SCUBE3: variants seen among roughly 807,000 people sequenced by gnomAD.
SCUBE3 encodes signal peptide, CUB domain and EGF like domain containing 3.
A neutral mutation model predicts 116.8 loss-of-function variants in SCUBE3; 33 were observed. The ratio of observed to expected loss-of-function variants is 0.28; its 90% CI spans 0.21 to 0.38. The LOEUF is 0.38. Among genes scored for constraint, SCUBE3 ranks in the 10% least tolerant of loss-of-function variants. The pLI is 1.00. For missense variants in SCUBE3, 1,007 were observed against 1,324.8 expected (o/e 0.76, Z 3.72); for synonymous variants, 418 against 496.9 (o/e 0.84, Z 2.11).
Position 35,241,572 on chromosome 6 carries a change from G to T in SCUBE3, c.1225G>T (p.Ala409Ser), listed in dbSNP as rs1221918725. The T allele has an allele frequency of 4.3e-6, 7 of 1,614,022 alleles. No homozygotes were observed. Among genetic ancestry groups the T allele is most frequent in the Non-Finnish European group, 5.9e-6 (7 of 1,179,990 alleles). The change falls in exon 11 of 22, where the codon GCC becomes TCC. Residue 409 changes from alanine (A) to serine (S), a missense_variant. Ala to Ser is a moderately conservative substitution (Grantham distance 99, BLOSUM62 1). Transcript: ENST00000274938. The surrounding 1 kb of genome is among the most constrained non-coding windows in gnomAD (Gnocchi z 4.1). ...ACTGAAGTGTCAGGGCAGTCCTGGG[G>T]CCTCGAAAGCCATGCTCAGCTGCAA... Reference protein sequence around the residue: ...EPLKCQGSPGASKAMLSCNRS... With the variant: ...EPLKCQGSPGSSKAMLSCNRS...
chr6:35,233,256 T>C lies in SCUBE3; in HGVS notation c.667T>C (p.Cys223Arg). 1.2e-6 allele frequency: 2 copies of C among 1,613,318 alleles called. No homozygotes were observed. The highest frequency in any genetic ancestry group is 1.7e-6 in the Non-Finnish European group (2 of 1,179,726). The part of the protein sequence containing the change: ...DDTEQGPRCG[C>R]HIKFVLHTDG... The stretch of plus-strand genomic sequence containing the variant: ...CACAGAGCAGGGTCCCCGGTGCGGC[T>C]GCCATATCAAGTTTGTGCTCCATAC... The change falls in exon 6 of 22, where the codon TGC becomes CGC. Residue 223 changes from cysteine to arginine, a missense_variant. Transcript: ENST00000274938. This position sits in a 1 kb window ranked among gnomAD's most constrained non-coding sequence, Gnocchi z 5.7.
At chr6:35,216,245 C>T (rs1581903267) in intron 1 of SCUBE3, among the ~76,000 whole-genome samples, 1 of 152,326 alleles carries the variant, frequency 6.6e-6, no homozygotes, top group African/African-American at 2.4e-5. Context: ...GAGTCAGAAT[C>T]CCTGCATGGT....
rs1562050802 is a variant in SCUBE3 at position 35,235,443 on chromosome 6, CA to C, written c.712+2143del. 1 of 1,284,012 alleles carries C rather than the reference CA, an allele frequency of 7.8e-7. No individual in the cohort carries two copies. The highest frequency in any genetic ancestry group is 1.5e-5 in the African/African-American group (1 of 65,930). The allele number at this position is 1,284,012 out of a possible 1,614,324, so 79.5% of individuals were successfully genotyped here. A position where few individuals can be genotyped will look rare whatever the true frequency, so the allele number is the denominator to read the frequency against. On this transcript the variant is annotated intron_variant, in intron 6 of 21. Transcript: ENST00000274938. The surrounding 1 kb of genome is among the most constrained non-coding windows in gnomAD (Gnocchi z 4.5). Reference sequence around the variant, plus strand: ...TAAACAGCTTTTTTACAATGTCAAACAGGGGAAAGGCGGCTAGAGCAGCACA... The same window carrying C: ...TAAACAGCTTTTTTACAATGTCAAACGGGGAAAGGCGGCTAGAGCAGCACA...
chr6:35,244,763 A>G lies in SCUBE3; in HGVS notation c.2353A>G (p.Asn785Asp), dbSNP rs1232554381. Residue 785 changes from asparagine to aspartate, a missense_variant, in exon 18 of 22, where the codon AAC becomes GAC. Asn to Asp is a conservative substitution (Grantham distance 23). Coordinates refer to ENST00000274938, the MANE Select transcript of SCUBE3 (RefSeq NM_152753.4). This position sits in a 1 kb window ranked among gnomAD's most constrained non-coding sequence, Gnocchi z 4.3. The part of the protein sequence containing the change: ...RQNFCSRCPG[N>D]TSTDFDGSTS... Reference sequence around the variant, plus strand: ...GAACTTCTGCAGCCGCTGTCCAGGAAACACAAGCACAGACTTTGATGGCTC... The same window carrying G: ...GAACTTCTGCAGCCGCTGTCCAGGAGACACAAGCACAGACTTTGATGGCTC... 1 of 1,614,222 alleles carries G rather than the reference A, an allele frequency of 6.2e-7. No homozygotes were observed. The highest frequency in any genetic ancestry group is 8.5e-7 in the Non-Finnish European group (1 of 1,180,036).
chr6:35,236,803 G>C (rs987535154), intron 6 of SCUBE3, among the ~76,000 whole-genome samples: 10 of 152,130 alleles, frequency 6.6e-5, no homozygotes, highest in Admixed American at 4.6e-4. Context: ...GAGGTCTTGG[G>C]ATTCTTTCTC....
Position 35,228,773 on chromosome 6 carries a change from G to C in SCUBE3, c.334+34G>C. ...AGGAGAGGGGATTTGGTGGAGGGAT[G>C]TCTTGTGGAGAAAGAGATCTTTTCA... is the stretch of plus-strand genomic sequence containing the variant. On this transcript the variant is annotated intron_variant, in intron 3 of 21. Coordinates refer to ENST00000274938, the MANE Select transcript of SCUBE3 (RefSeq NM_152753.4). This position sits in a 1 kb window ranked among gnomAD's most constrained non-coding sequence, Gnocchi z 4.9. The C allele has an allele frequency of 6.2e-7, 1 of 1,607,020 alleles. No individual in the cohort carries two copies. Among genetic ancestry groups the C allele is most frequent in the East Asian group, 2.2e-5 (1 of 44,834 alleles).
At chr6:35,242,531 G>A in intron 13 of SCUBE3, 91 bp from the exon 14 acceptor site, 8 of 1,211,104 alleles carry the variant, frequency 6.6e-6, no homozygotes, top group Non-Finnish European at 9.5e-6. Context: ...TTGAGAGATA[G>A]TTACAGTTAG....
chr6:35,224,516 T>C (rs901731255), intron 1 of SCUBE3: 4 of 149,068 alleles, frequency 2.7e-5, no homozygotes, highest in African/African-American at 1.0e-4. Context: ...TAATCCCAGA[T>C]ACTCAGGAGG....
chr6:35,246,713 C>T (rs530256578), intron 21 of SCUBE3, among the ~76,000 whole-genome samples: 1 of 152,364 alleles, frequency 6.6e-6, no homozygotes, highest in South Asian at 2.1e-4. Flanking sequence ...TGGTGGTTCA[C>T]GCCTGTCATC....
In SCUBE3 at chr6:35,233,314, A is replaced by G; in HGVS notation, c.712+13A>G. ...AAGACATGCATCGGTGGGTGAGGCCAGGGGAGAACTCAGTCCACCTGAGAT... is the reference window on the plus strand; with the variant it reads ...AAGACATGCATCGGTGGGTGAGGCCGGGGGAGAACTCAGTCCACCTGAGAT... On this transcript the variant is annotated intron_variant, in intron 6 of 21. Coordinates refer to ENST00000274938, the MANE Select transcript of SCUBE3 (RefSeq NM_152753.4). The surrounding 1 kb of genome is among the most constrained non-coding windows in gnomAD (Gnocchi z 5.7). 2 of 1,077,034 alleles carry G rather than the reference A, an allele frequency of 1.9e-6. No individual in the cohort carries two copies. Among genetic ancestry groups the G allele is most frequent in the Non-Finnish European group, 2.8e-6 (2 of 720,160 alleles). The allele number at this position is 1,077,034 out of a possible 1,614,324, so 66.7% of individuals were successfully genotyped here. A position where few individuals can be genotyped will look rare whatever the true frequency, so the allele number is the denominator to read the frequency against.
chr6:35,227,847 C>A, intron 2 of SCUBE3, 145 bp downstream of exon 2: 1 of 838,280 alleles, frequency 1.2e-6, no homozygotes, highest in Non-Finnish European at 1.9e-6. Flanking sequence ...GGGGCAACTG[C>A]ATCTTCCCAG....
Position 35,240,241 on chromosome 6 carries a change from C to G in SCUBE3, c.953-133C>G. On this transcript the variant is annotated intron_variant, in intron 8 of 21. Transcript: ENST00000274938. This position sits in a 1 kb window ranked among gnomAD's most constrained non-coding sequence, Gnocchi z 4.6. ...GGAATGGCATTGTTAAATCACTGGT[C>G]CTAGAGCTAGGACATGAATAGGAAC... 1 of 578,224 alleles carries G rather than the reference C, an allele frequency of 1.7e-6. No homozygotes were observed. Among genetic ancestry groups the G allele is most frequent in the South Asian group, 2.4e-5 (1 of 41,322 alleles). The allele number at this position is 578,224 out of a possible 1,614,324, so 35.8% of individuals were successfully genotyped here. A position where few individuals can be genotyped will look rare whatever the true frequency, so the allele number is the denominator to read the frequency against.
In SCUBE3 at chr6:35,226,687, T is replaced by C. The variant is rs1783341016; in HGVS notation, c.86-893T>C. ...TAGTAGAGATGGGGTTTCATCAAGG[T>C]CAGGCTGGTCTCGAACTCCTGACCT... On this transcript the variant is annotated intron_variant, in intron 1 of 21. Coordinates refer to ENST00000274938, the MANE Select transcript of SCUBE3 (RefSeq NM_152753.4). 3.3e-5 allele frequency among the ~76,000 whole-genome samples: 5 copies of C among 151,824 alleles called. No individual in the cohort carries two copies. In the South Asian group the frequency reaches 1.0e-3, roughly 32 times the overall value.
In SCUBE3 at chr6:35,245,331, C is replaced by A. The variant is rs748372892; in HGVS notation, c.2505C>A (p.Asn835Lys). 12 of 1,613,972 alleles carry A rather than the reference C, an allele frequency of 7.4e-6. No individual in the cohort carries two copies. The East Asian group carries it at 1.3e-4, about 18-fold the overall frequency. The change falls in exon 19 of 22, where the codon AAC becomes AAA. Residue 835 changes from asparagine (N) to lysine (K), a missense_variant. This residue lies in a region of SCUBE3 where 544 missense variants were observed against 638.9 expected (regional missense o/e 0.85). Coordinates refer to ENST00000274938, the MANE Select transcript of SCUBE3 (RefSeq NM_152753.4). The surrounding 1 kb of genome is among the most constrained non-coding windows in gnomAD (Gnocchi z 4.2). ...GTGTGGAGTGCATCTGGAACATCAA[C>A]CCCCCACCCAAGCGCAAGATCCTTA... is the stretch of plus-strand genomic sequence containing the variant. ...PAGVECIWNI[N>K]PPPKRKILIV...
chr6:35,238,265 C>T (rs566285271), intron 7 of SCUBE3, among the ~76,000 whole-genome samples: 1 of 152,280 alleles, frequency 6.6e-6, no homozygotes, highest in African/African-American at 2.4e-5. Flanking sequence ...ATTCCTATCC[C>T]CCATGGGTCC....
chr6:35,242,529 T>C (rs990391273), intron 13 of SCUBE3, 93 bp from the exon 14 acceptor site: 1 of 1,174,594 alleles, frequency 8.5e-7, no homozygotes, highest in Non-Finnish European at 1.2e-6. Flanking sequence ...GATTGAGAGA[T>C]AGTTACAGTT....
Position 35,232,654 on chromosome 6 carries a change from C to G in SCUBE3, c.470-196C>G, listed in dbSNP as rs1001005515. On this transcript the variant is annotated intron_variant, in intron 4 of 21. Transcript: ENST00000274938. The surrounding 1 kb of genome is among the most constrained non-coding windows in gnomAD (Gnocchi z 4.2). ...GCTAGTTATACATCATTCAGAACAG[C>G]TCTGTGCTCTGCTCATGAGCACCCA... Among the ~76,000 whole-genome samples the G allele has an allele frequency of 3.3e-5, 5 of 152,204 alleles. No homozygotes were observed. In the South Asian group the frequency reaches 6.2e-4, roughly 19 times the overall value.
intron 1 of SCUBE3, among the ~76,000 whole-genome samples, chr6:35,225,841 TATA>T (rs1373519716): frequency 6.6e-6 from 1 of 152,198 alleles, no homozygotes; most frequent in East Asian, 1.9e-4. Context: ...TCAAAAAGGC[TATA>T]ATGAGTCCTG....
rs1784246066 is a variant in SCUBE3 at position 35,244,545 on chromosome 6, A to G, written c.2240-105A>G. ...AGACCCTAGAAAAGAACTTTGATGT[A>G]TCTGATCTCCTGATTCTCCAGGATG... On this transcript the variant is annotated intron_variant, in intron 17 of 21. Coordinates refer to ENST00000274938, the MANE Select transcript of SCUBE3 (RefSeq NM_152753.4). This position sits in a 1 kb window ranked among gnomAD's most constrained non-coding sequence, Gnocchi z 4.3. 1 of 903,078 alleles carries G rather than the reference A, an allele frequency of 1.1e-6. No homozygotes were observed. Among genetic ancestry groups the G allele is most frequent in the Non-Finnish European group, 1.8e-6 (1 of 569,308 alleles). The allele number at this position is 903,078 out of a possible 1,614,324, so 55.9% of individuals were successfully genotyped here.
Sources: allele counts gnomAD v4.1 joint callset (sites outside exome capture counted in the v4.1 genomes callset), GRCh38; gene constraint gnomAD v4.1.1; regional missense constraint gnomAD v4.1.1; non-coding constraint Gnocchi (gnomAD v3.1); transcripts MANE v1.5; gene names NCBI Gene and HGNC (gene_info 2026-07-23, HGNC 2026-07-21).